The following EPB41L4B variants were observed in gnomAD, a reference collection of about 807,000 sequenced individuals.
EPB41L4B encodes erythrocyte membrane protein band 4.1 like 4B, also known as band 4.1-like protein 4B.
In EPB41L4B, 30 loss-of-function variants were observed where a neutral mutation model predicts 112.5. The observed-to-expected ratio is 0.27, with a 90% confidence interval of 0.20 to 0.36. EPB41L4B has a LOEUF of 0.36. Ranked by LOEUF, EPB41L4B falls within the 10% of genes least tolerant of loss-of-function variation. The pLI is 1.00. For missense variants in EPB41L4B, 1,024 were observed against 1,133.3 expected (o/e 0.90, Z 1.38); for synonymous variants, 408 against 439.7 (o/e 0.93, Z 0.90).
At chr9:109,236,735 T>C (rs1001540021) in intron 15 of EPB41L4B, among the ~76,000 whole-genome samples, 3 of 152,228 alleles carry the variant, frequency 2.0e-5, no homozygotes, top group African/African-American at 7.2e-5. Flanking sequence ...TTTTACATGT[T>C]TGTCTTTTTG....
intron 15 of EPB41L4B, among the ~76,000 whole-genome samples, chr9:109,217,727 A>G (rs1412068743): frequency 6.6e-6 from 1 of 152,148 alleles, no homozygotes; most frequent in Non-Finnish European, 1.5e-5. Flanking sequence ...ATATGACACC[A>G]TGCCTGGCTA....
chr9:109,260,706 C>T (rs1177164065), intron 6 of EPB41L4B, among the ~76,000 whole-genome samples: 2 of 152,172 alleles, frequency 1.3e-5, no homozygotes, highest in Non-Finnish European at 2.9e-5. Flanking sequence ...TGAGCCATCG[C>T]GCCCGGCCAA....
intron 11 of EPB41L4B, 108 bp downstream of exon 11, chr9:109,255,403 A>AG: frequency 7.4e-7 from 1 of 1,344,162 alleles, no homozygotes; most frequent in Non-Finnish European, 1.0e-6. Flanking sequence ...TGGGACACAC[A>AG]ACCTAAGTTT....
rs35529450 is a variant in EPB41L4B at position 109,223,434 on chromosome 9, CA to C, written c.1410-6290del. ...TTAGGCAAGGAGCAAGACCCTGTCT[CA>C]AAAAAAAAAAAAAAAAATTGTTGCA... On this transcript the variant is annotated intron_variant, in intron 15 of 25. Transcript: ENST00000374566. Among the ~76,000 whole-genome samples, 1,185 of 129,184 alleles carry C rather than the reference CA, an allele frequency of 9.2e-3. 7 individuals carry two copies. Among genetic ancestry groups the C allele is most frequent in the African/African-American group, 0.021 (745 of 34,768 alleles). The allele number at this position is 129,184 out of a possible 152,430, so 84.7% of individuals were successfully genotyped here.
chr9:109,243,588 A>T, intron 15 of EPB41L4B, 30 bp downstream of exon 15: 1 of 1,609,988 alleles, frequency 6.2e-7, no homozygotes, highest in Non-Finnish European at 8.5e-7. Context: ...AAGCTTTCGA[A>T]GGTGCAGCTC....
intron 19 of EPB41L4B, among the ~76,000 whole-genome samples, chr9:109,203,392 A>C (rs1832897218): frequency 6.6e-6 from 1 of 152,182 alleles, no homozygotes; most frequent in Non-Finnish European, 1.5e-5. Flanking sequence ...GGGGGATGGC[A>C]ATGTGAAGCC....
At chr9:109,193,550 C>T (rs746083712) in intron 21 of EPB41L4B, among the ~76,000 whole-genome samples, 1 of 152,214 alleles carries the variant, frequency 6.6e-6, no homozygotes, top group Non-Finnish European at 1.5e-5. Flanking sequence ...GCCTTCAGGG[C>T]ACCTGCCTCC....
chr9:109,264,948 T>C, intron 5 of EPB41L4B, 32 bp downstream of exon 5: 3 of 1,574,938 alleles, frequency 1.9e-6, no homozygotes, highest in Non-Finnish European at 2.6e-6. Flanking sequence ...TGATCTATCC[T>C]GGGTTAAGAG....
At chr9:109,241,741 T>G (rs1834359668) in intron 15 of EPB41L4B, 1 of 1,614,216 alleles carries the variant, frequency 6.2e-7, no homozygotes. Flanking sequence ...GTCGTGGACA[T>G]AATCAAAATG....
intron 18 of EPB41L4B, among the ~76,000 whole-genome samples, chr9:109,206,396 T>A (rs1832994542): frequency 6.6e-6 from 1 of 152,226 alleles, no homozygotes; most frequent in Non-Finnish European, 1.5e-5. Flanking sequence ...TTGACCAGGC[T>A]ACTCTCAAAC....
chr9:109,257,592 G>A (rs1468713862), intron 7 of EPB41L4B, among the ~76,000 whole-genome samples: 1 of 152,190 alleles, frequency 6.6e-6, no homozygotes, highest in Non-Finnish European at 1.5e-5. Context: ...ATGCCCTGGG[G>A]TGTCACTAAG....
intron 3 of EPB41L4B, 31 bp downstream of exon 3, chr9:109,268,359 AT>A (rs1199784523): frequency 1.9e-6 from 3 of 1,602,678 alleles, no homozygotes; most frequent in Non-Finnish European, 2.6e-6. Context: ...CAGAAAAAAA[AT>A]AAATGAGTGA....
chr9:109,209,658 A>G (rs957442415), intron 17 of EPB41L4B, among the ~76,000 whole-genome samples: 40 of 151,994 alleles, frequency 2.6e-4, no homozygotes, highest in African/African-American at 8.9e-4. Flanking sequence ...AAAAAAAAAA[A>G]AAGATGCTGT....
chr9:109,181,492 C>T (rs1293327023), intron 24 of EPB41L4B, among the ~76,000 whole-genome samples: 2 of 152,162 alleles, frequency 1.3e-5, no homozygotes, highest in Non-Finnish European at 2.9e-5. Context: ...CCTTTTGATC[C>T]TTGCCCCAAC....
intron 15 of EPB41L4B, among the ~76,000 whole-genome samples, chr9:109,229,135 G>C (rs1833874065): frequency 6.6e-6 from 1 of 152,106 alleles, no homozygotes; most frequent in Non-Finnish European, 1.5e-5. Context: ...ATTAAGCCCT[G>C]GATTTCACTC....
chr9:109,318,209 A>G (rs1200544990), intron 1 of EPB41L4B, among the ~76,000 whole-genome samples: 1 of 151,886 alleles, frequency 6.6e-6, no homozygotes, highest in African/African-American at 2.4e-5. Context: ...TGTGGGCTTC[A>G]CTAAGTCACA....
At chr9:109,194,004 A>T (rs1832554310) in intron 21 of EPB41L4B, among the ~76,000 whole-genome samples, 1 of 152,240 alleles carries the variant, frequency 6.6e-6, no homozygotes, top group African/African-American at 2.4e-5. Context: ...AGTACAATGA[A>T]CCTGATTTTA....
intron 12 of EPB41L4B, 117 bp downstream of exon 12, chr9:109,253,324 G>A (rs1005922819): frequency 7.5e-5 from 53 of 704,964 alleles, no homozygotes; most frequent in Admixed American, 1.3e-4. Context: ...TTTTCCAAAA[G>A]CTCCAGACTG....
At chr9:109,305,723 G>T (rs1386442029) in intron 1 of EPB41L4B, among the ~76,000 whole-genome samples, 1 of 152,118 alleles carries the variant, frequency 6.6e-6, no homozygotes, top group African/African-American at 2.4e-5. Context: ...GGGAGTTCAA[G>T]ACCAGCCTGG....
Sources: gnomAD v4.1 joint callset for allele counts (sites outside exome capture counted in the v4.1 genomes callset) on GRCh38, gnomAD v4.1.1 for gene constraint, MANE v1.5 for transcripts, NCBI Gene and HGNC (gene_info 2026-07-23, HGNC 2026-07-21) for gene names.